Variants in LMNA observed in about 807,000 individuals in gnomAD.
LMNA encodes the protein lamin.
In LMNA, 20 loss-of-function variants were observed where a neutral mutation model predicts 70.4. The observed-to-expected ratio is 0.28, with a 90% CI of 0.20 to 0.41. The LOEUF (loss-of-function observed/expected upper bound fraction) is 0.41, where lower values mean the gene tolerates loss of function less well. Ranked by LOEUF, LMNA falls within the 10% of genes least tolerant of loss-of-function variation. The probability of loss-of-function intolerance (pLI) is 1.00; values close to 1 mark genes in which losing one functional copy is unlikely to be tolerated. For synonymous variants in LMNA, 339 were observed against 372.8 expected (o/e 0.91, Z 1.04); for missense variants, 652 against 917.2 (o/e 0.71, Z 3.73).
chr1:156,127,041 A>T, intron 1 of LMNA: 1 of 949,036 alleles, frequency 1.1e-6, no homozygotes, highest in Non-Finnish European at 1.5e-6. Context: ...CTCCCTGCCA[A>T]CCCAGCACGG....
chr1:156,082,957 C>G (rs898125505), exon 2 of LMNA: 5 of 152,062 alleles, frequency 3.3e-5, no homozygotes, highest in Non-Finnish European at 7.3e-5. Context: ...GAGTCGATCC[C>G]GGAGCCCGGC....
At chr1:156,117,079 A>ATTTTTTTT (rs150049994) in intron 1 of LMNA, among the ~76,000 whole-genome samples, 4 of 112,664 alleles carry the variant, frequency 3.6e-5, no homozygotes, top group African/African-American at 6.7e-5. Flanking sequence ...ACACATGGCT[A>ATTTTTTTT]TTTTTTTTTT....
chr1:156,137,886 TTC>T lies in LMNA; in HGVS notation c.1698+150_1698+151del. On this transcript the variant is annotated intron_variant, in intron 10 of 11. Transcript: ENST00000368300. The surrounding 1 kb of genome is among the most constrained non-coding windows in gnomAD (Gnocchi z 4.6). ...ACTTTACTCGCTGGCCTGGCCTTTC[TTC>T]TCTCTCCTCCCTATACCTTGAACAG... The T allele has an allele frequency of 6.6e-7, 1 of 1,504,026 alleles. No homozygotes were observed. Among genetic ancestry groups the T allele is most frequent in the Non-Finnish European group, 8.9e-7 (1 of 1,127,850 alleles). 93.2% of individuals were successfully genotyped at this position (1,504,026 alleles called of 1,614,324 possible).
upstream of LMNA, chr1:156,114,604 T>A (rs1222643462): frequency 4.8e-5 from 6 of 124,504 alleles, no homozygotes; most frequent in Non-Finnish European, 9.4e-5. Context: ...TCCTCACCAC[T>A]CCCGCCCCCA....
rs879253992 is a variant in LMNA at position 156,115,079 on chromosome 1, C to T, written c.161C>T (p.Thr54Met). ...VYIDRVRSLE[T>M]ENAGLRLRIT... ...ATCGACCGTGTGCGCTCGCTGGAAA[C>T]GGAGAACGCAGGGCTGCGCCTTCGC... is the stretch of plus-strand genomic sequence containing the variant. The change falls in exon 1 of 12, where the codon ACG (threonine) becomes ATG (methionine). Residue 54 changes from threonine to methionine, a missense_variant. This residue lies in a region of LMNA where 254 missense variants were observed against 421.9 expected (regional missense o/e 0.60). Transcript: ENST00000368300. The surrounding 1 kb of genome is among the most constrained non-coding windows in gnomAD (Gnocchi z 5.8). 12 of 1,595,456 alleles carry T rather than the reference C, an allele frequency of 7.5e-6. No individual in the cohort carries two copies. Among genetic ancestry groups the T allele is most frequent in the Non-Finnish European group, 1.0e-5 (12 of 1,171,140 alleles).
At chr1:156,093,298 A>AGTTTTTTTT (rs1399858052) in intron 3 of LMNA, among the ~76,000 whole-genome samples, 3 of 137,224 alleles carry the variant, frequency 2.2e-5, no homozygotes. Context: ...TTTATATGTC[A>AGTTTTTTTT]ATTTTTTTTT....
chr1:156,084,331 G>GCA (rs1419724909), intron 2 of LMNA, among the ~76,000 whole-genome samples: 2 of 95,544 alleles, frequency 2.1e-5, no homozygotes, highest in Non-Finnish European at 3.9e-5. Flanking sequence ...AGAAGGTCGG[G>GCA]GGGTGGTGGG....
intron 3 of LMNA, among the ~76,000 whole-genome samples, chr1:156,104,742 A>G (rs1417632373): frequency 1.3e-5 from 2 of 152,034 alleles, no homozygotes; most frequent in African/African-American, 4.8e-5. Flanking sequence ...TAGCCCCAAC[A>G]TCTCTTTCCT....
At position 156,115,300 on chromosome 1, in the gene LMNA, C is replaced by G; in HGVS notation, c.356+26C>G. 1.3e-6 allele frequency: 2 copies of G among 1,580,746 alleles called. No individual in the cohort carries two copies. Among genetic ancestry groups the G allele is most frequent in the East Asian group, 4.5e-5 (2 of 44,268 alleles). ...GTGAGTTCGCCCAGGTGGCTGCGTGCCTGGCGGGGAGTGGAGAGGGCGGCG... is the reference window on the plus strand; with the variant it reads ...GTGAGTTCGCCCAGGTGGCTGCGTGGCTGGCGGGGAGTGGAGAGGGCGGCG... On this transcript the variant is annotated intron_variant, in intron 1 of 11. Transcript: ENST00000368300. This position sits in a 1 kb window ranked among gnomAD's most constrained non-coding sequence, Gnocchi z 5.8.
chr1:156,125,670 C>A (rs543222381), intron 1 of LMNA, among the ~76,000 whole-genome samples: 10 of 150,500 alleles, frequency 6.6e-5, no homozygotes, highest in African/African-American at 2.2e-4. Flanking sequence ...GCCTGGGCAA[C>A]ACAGTGAGAC....
At chr1:156,104,677 T>C (rs1425499287) in intron 3 of LMNA, among the ~76,000 whole-genome samples, 2 of 152,140 alleles carry the variant, frequency 1.3e-5, no homozygotes, top group South Asian at 2.1e-4. Flanking sequence ...TCTCCCCCGC[T>C]ACATCTCACT....
In LMNA at chr1:156,127,824, C is replaced by T. The variant is rs532299585; in HGVS notation, c.357-2793C>T. Among the ~76,000 whole-genome samples the T allele has an allele frequency of 1.1e-4, 17 of 152,054 alleles. No homozygotes were observed. In the South Asian group the frequency reaches 3.5e-3, roughly 32 times the overall value. ...GTCTCAGCCTCCCAAGTTGCTGGGACTATGGACGTGCACCACCTTGCCCGA... is the reference window on the plus strand; with the variant it reads ...GTCTCAGCCTCCCAAGTTGCTGGGATTATGGACGTGCACCACCTTGCCCGA... On this transcript the variant is annotated intron_variant, in intron 1 of 11. Transcript: ENST00000368300.
chr1:156,137,528 C>A lies in LMNA; in HGVS notation c.1609-126C>A. 1 of 920,976 alleles carries A rather than the reference C, an allele frequency of 1.1e-6. No homozygotes were observed. Among genetic ancestry groups the A allele is most frequent in the South Asian group, 1.4e-5 (1 of 70,912 alleles). The allele number at this position is 920,976 out of a possible 1,614,324, so 57.1% of individuals were successfully genotyped here. A position where few individuals can be genotyped will look rare whatever the true frequency, so the allele number is the denominator to read the frequency against. ...TCCTTAGCTCCATCACCACAGAGGA[C>A]AGAGTAAGCAGCAGGCCGGACAAAG... is the stretch of plus-strand genomic sequence containing the variant. On this transcript the variant is annotated intron_variant, in intron 9 of 11. Coordinates refer to ENST00000368300, the MANE Select transcript of LMNA (RefSeq NM_170707.4). The surrounding 1 kb of genome is among the most constrained non-coding windows in gnomAD (Gnocchi z 4.6).
At chr1:156,120,234 T>G (rs985067277) in intron 1 of LMNA, among the ~76,000 whole-genome samples, 3 of 152,192 alleles carry the variant, frequency 2.0e-5, no homozygotes, top group Non-Finnish European at 4.4e-5. Flanking sequence ...CAGATGCTTG[T>G]CCCATGTCAC....
rs1046697161 is a variant in LMNA, at chr1:156,114,910, C to T, written c.-9C>T. 2.0e-6 allele frequency: 3 copies of T among 1,538,064 alleles called. No individual in the cohort carries two copies. Among genetic ancestry groups the T allele is most frequent in the Non-Finnish European group, 2.6e-6 (3 of 1,140,172 alleles). ...CTGCCCCGCGGGCAGCGCTGCCAAC[C>T]TGCCGGCCATGGAGACCCCGTCCCA... On this transcript the variant is annotated 5_prime_UTR_variant, in exon 1 of 12. Coordinates refer to ENST00000368300, the MANE Select transcript of LMNA (RefSeq NM_170707.4).
intron 1 of LMNA, among the ~76,000 whole-genome samples, chr1:156,120,051 G>A (rs1248881238): frequency 1.3e-5 from 2 of 152,160 alleles, no homozygotes; most frequent in Non-Finnish European, 2.9e-5. Context: ...CAGAAGTGGG[G>A]AGATCCGAGG....
At chr1:156,119,842 C>G (rs976263802) in intron 1 of LMNA, among the ~76,000 whole-genome samples, 11 of 152,314 alleles carry the variant, frequency 7.2e-5, no homozygotes, top group Admixed American at 6.5e-4. Flanking sequence ...TTCTGCCCCC[C>G]TCCCCATTGC....
chr1:156,083,360 C>T (rs905861266), intron 2 of LMNA, among the ~76,000 whole-genome samples: 1 of 152,080 alleles, frequency 6.6e-6, no homozygotes, highest in African/African-American at 2.4e-5. Context: ...GGGCCTTGAG[C>T]TTTGGATATG....
At chr1:156,102,713 C>T (rs1649186526) in intron 3 of LMNA, among the ~76,000 whole-genome samples, 1 of 152,114 alleles carries the variant, frequency 6.6e-6, no homozygotes, top group Admixed American at 6.5e-5. Flanking sequence ...GGGAATGTGA[C>T]TTGAATTAAC....
Sources: allele counts gnomAD v4.1 joint callset (sites outside exome capture counted in the v4.1 genomes callset), GRCh38; gene constraint gnomAD v4.1.1; regional missense constraint gnomAD v4.1.1; non-coding constraint Gnocchi (gnomAD v3.1); transcripts MANE v1.5; gene names NCBI Gene and HGNC (gene_info 2026-07-23, HGNC 2026-07-21).